AASS: variants seen among roughly 807,000 people sequenced by gnomAD.
The protein encoded by AASS is aminoadipate-semialdehyde synthase, also known as alpha-aminoadipic semialdehyde synthase, mitochondrial.
AASS carries 86 observed loss-of-function variants against 105.4 expected under a neutral mutation model. The observed-to-expected ratio is 0.82, with a 90% CI of 0.69 to 0.98. The LOEUF (loss-of-function observed/expected upper bound fraction) is 0.98, where lower values mean the gene tolerates loss of function less well. Among genes scored for constraint, AASS ranks in the 50% least tolerant of loss-of-function variants. The pLI is 0.00. For missense variants in AASS, 1,048 were observed against 1,143.2 expected, an observed-to-expected ratio of 0.92 and a Z score of 1.20; for synonymous variants, 381 against 394.8, an observed-to-expected ratio of 0.96 and a Z score of 0.41.
At chr7:122,079,001 C>T (rs1793178397) in intron 21 of AASS, 51 bp from the exon 22 acceptor site, 1 of 1,613,614 alleles carries the variant, frequency 6.2e-7, no homozygotes, top group Admixed American at 1.7e-5. Context: ...TACATGTTCT[C>T]ATTTGGGAAG....
chr7:122,105,872 G>A (rs1234580838), intron 11 of AASS, among the ~76,000 whole-genome samples: 1 of 151,938 alleles, frequency 6.6e-6, no homozygotes, highest in Non-Finnish European at 1.5e-5. Context: ...AAGAAATAAT[G>A]ATGGTTAGAG....
At chr7:122,091,921 TATGA>T in intron 17 of AASS, 78 bp from the exon 18 acceptor site, 1 of 1,057,478 alleles carries the variant, frequency 9.5e-7, no homozygotes, top group South Asian at 1.4e-5. Context: ...AAGACAATGA[TATGA>T]ATGGAGTAAA....
rs150705512 is a variant in AASS, at chr7:122,098,831, C to T, written c.1442G>A (p.Arg481Lys). Residue 481 changes from arginine (R) to lysine (K), a missense_variant, in exon 14 of 24, where the codon AGA becomes AAA. Transcript: ENST00000417368. ...GCCAGATCCAAGAACCAAAACCTTT[C>T]TCCTGGTGCCCATTGAAAGTGACTG... Reference protein sequence around the residue: ...RAQSLSMGTRRKVLVLGSGYI... With the variant: ...RAQSLSMGTRKKVLVLGSGYI... The T allele has an allele frequency of 6.3e-7, 1 of 1,579,640 alleles. No individual in the cohort carries two copies. Among genetic ancestry groups the T allele is most frequent in the Non-Finnish European group, 8.6e-7 (1 of 1,161,050 alleles).
In AASS at chr7:122,101,601, A is replaced by G. The variant is rs2150524302; in HGVS notation, c.1338+20T>C. Reference sequence around the variant, plus strand: ...AGTAAAAAAATACATTTATGAAAAAATATTCTGCTCATAACTTACATCTCT... The same window carrying G: ...AGTAAAAAAATACATTTATGAAAAAGTATTCTGCTCATAACTTACATCTCT... On this transcript the variant is annotated intron_variant, in intron 12 of 23. Transcript: ENST00000417368. 1 of 1,601,568 alleles carries G rather than the reference A, an allele frequency of 6.2e-7. No homozygotes were observed. The highest frequency in any genetic ancestry group is 8.6e-7 in the Non-Finnish European group (1 of 1,169,568).
chr7:122,134,470 G>A (rs1446827531), intron 1 of AASS, among the ~76,000 whole-genome samples: 1 of 152,090 alleles, frequency 6.6e-6, no homozygotes, highest in Non-Finnish European at 1.5e-5. Context: ...TGATCCTCCA[G>A]CCTCAGCCTC....
At chr7:122,095,760 T>C (rs1794124711) in intron 15 of AASS, among the ~76,000 whole-genome samples, 1 of 152,108 alleles carries the variant, frequency 6.6e-6, no homozygotes, top group Non-Finnish European at 1.5e-5. Context: ...TAATTACTGC[T>C]AACAAATTTA....
chr7:122,126,083 C>T (rs1323544188), intron 4 of AASS, among the ~76,000 whole-genome samples: 2 of 152,080 alleles, frequency 1.3e-5, no homozygotes, highest in Non-Finnish European at 2.9e-5. Flanking sequence ...GTCTCATTAC[C>T]GAACTGGTAT....
At chr7:122,122,397 G>A (rs1380858981) in intron 4 of AASS, among the ~76,000 whole-genome samples, 1 of 152,120 alleles carries the variant, frequency 6.6e-6, no homozygotes, top group African/African-American at 2.4e-5. Context: ...AAGGAAGAGA[G>A]GCAGGTGAAA....
In AASS at chr7:122,075,538, A is replaced by G. The variant is rs1279416325; in HGVS notation, c.*951T>C. The G allele has an allele frequency of 6.6e-6, 1 of 152,232 alleles. No homozygotes were observed. Among genetic ancestry groups the G allele is most frequent in the Non-Finnish European group, 1.5e-5 (1 of 68,046 alleles). The allele number at this position is 152,232 out of a possible 1,614,324, so 9.4% of individuals were successfully genotyped here. ...GGGGGAAATAATCCAGTCCTTCACC[A>G]TTAAGTATGATGCTAACCATGGGTT... is the stretch of plus-strand genomic sequence containing the variant. On this transcript the variant is annotated 3_prime_UTR_variant, in exon 24 of 24. Transcript: ENST00000417368.
intron 11 of AASS, among the ~76,000 whole-genome samples, chr7:122,111,352 T>C: frequency 6.6e-6 from 1 of 152,172 alleles, no homozygotes; most frequent in East Asian, 1.9e-4. Flanking sequence ...AAATGTCTGA[T>C]TAGCAGAATA....
At chr7:122,140,485 C>CAAAAAAAAA (rs57828681) in intron 1 of AASS, among the ~76,000 whole-genome samples, 906 of 37,306 alleles carry the variant, frequency 0.024, 116 homozygotes, top group Non-Finnish European at 0.027. Context: ...GACTCAGTCT[C>CAAAAAAAAA]AAAAAAAAAA....
intron 1 of AASS, among the ~76,000 whole-genome samples, chr7:122,134,130 A>G (rs1002572878): frequency 2.0e-5 from 3 of 152,214 alleles, no homozygotes. Flanking sequence ...TGATGGCGTA[A>G]AGTTTGAAAT....
chr7:122,088,578 C>A (rs1793742854), intron 18 of AASS, among the ~76,000 whole-genome samples: 1 of 152,122 alleles, frequency 6.6e-6, no homozygotes, highest in Admixed American at 6.6e-5. Flanking sequence ...CTGGATTATG[C>A]CACCTGGGAT....
At chr7:122,081,966 T>C (rs1050237403) in intron 19 of AASS, among the ~76,000 whole-genome samples, 5 of 152,168 alleles carry the variant, frequency 3.3e-5, no homozygotes, top group African/African-American at 1.2e-4. Flanking sequence ...CAAATTTTCT[T>C]ATGTGTTATA....
At chr7:122,118,171 A>G (rs1344745169) in intron 6 of AASS, 136 bp downstream of exon 6, 12 of 945,682 alleles carry the variant, frequency 1.3e-5, no homozygotes, top group Non-Finnish European at 1.8e-5. Flanking sequence ...ACTATGAGAA[A>G]AATACATTGG....
chr7:122,132,645 C>T (rs1795963568), intron 2 of AASS, among the ~76,000 whole-genome samples: 1 of 152,082 alleles, frequency 6.6e-6, no homozygotes, highest in Non-Finnish European at 1.5e-5. Flanking sequence ...ATGGGAAGAA[C>T]ATATATCACT....
intron 2 of AASS, among the ~76,000 whole-genome samples, chr7:122,131,039 A>G (rs1457491555): frequency 6.6e-6 from 1 of 151,184 alleles, no homozygotes; most frequent in Non-Finnish European, 1.5e-5. Context: ...TTTGCAAAAA[A>G]AAAAAAAAGA....
Position 122,074,260 on chromosome 7 carries a change from GC to G in AASS, c.*2228del, listed in dbSNP as rs1168427544. ...TGAGAACCTTTTCATGTGCTTATTG[GC>G]CTTTTGTGTATCTTCTTTGGAGAAC... On this transcript the variant is annotated 3_prime_UTR_variant, in exon 24 of 24. Coordinates refer to ENST00000417368, the MANE Select transcript of AASS (RefSeq NM_005763.4). Among the ~76,000 whole-genome samples, 2 of 151,990 alleles carry G rather than the reference GC, an allele frequency of 1.3e-5. No homozygotes were observed. Among genetic ancestry groups the G allele is most frequent in the African/African-American group, 4.8e-5 (2 of 41,394 alleles).
rs773789407 is a variant in AASS at position 122,076,478 on chromosome 7, A to G, written c.*11T>C. 1.3e-6 allele frequency: 2 copies of G among 1,590,518 alleles called. No homozygotes were observed. Among genetic ancestry groups the G allele is most frequent in the Admixed American group, 3.3e-5 (2 of 59,992 alleles). On this transcript the variant is annotated 3_prime_UTR_variant, in exon 24 of 24. Coordinates refer to ENST00000417368, the MANE Select transcript of AASS (RefSeq NM_005763.4). ...TTGCCTGGGAAGAAAAAAACAAAAT[A>G]TAATTCCCAATTATGGTTTAATTGT...
Sources: gnomAD v4.1 joint callset for allele counts (sites outside exome capture counted in the v4.1 genomes callset) on GRCh38, gnomAD v4.1.1 for gene constraint, MANE v1.5 for transcripts, NCBI Gene and HGNC (gene_info 2026-07-23, HGNC 2026-07-21) for gene names.